The following ZNF235 variants were observed in gnomAD, a reference collection of about 807,000 sequenced individuals.
The protein encoded by ZNF235 is zinc finger protein 235, also known as zfp-93.
A neutral mutation model predicts 29.4 loss-of-function variants in ZNF235; 25 were observed. That is an observed-to-expected ratio of 0.85 (90% CI 0.62 to 1.19). The LOEUF (loss-of-function observed/expected upper bound fraction) is 1.19, where lower values mean the gene tolerates loss of function less well. ZNF235 is among the 50% of genes most tolerant of loss of function. The pLI is 0.00. For synonymous variants in ZNF235, 300 were observed against 295.3 expected, an observed-to-expected ratio of 1.02 and a Z score of -0.16; for missense variants, 788 against 885.0, an observed-to-expected ratio of 0.89 and a Z score of 1.39.
Position 44,302,304 on chromosome 19 carries a change from T to C in ZNF235, c.15+1086A>G, listed in dbSNP as rs1010810063. On this transcript the variant is annotated intron_variant, in intron 2 of 4. Coordinates refer to ENST00000291182, the MANE Select transcript of ZNF235 (RefSeq NM_004234.4). ...AAAATGGCAAAATTCATAGATTACA[T>C]AAACATGGAGAATGAGGAAAAATAA... 2.6e-5 allele frequency among the ~76,000 whole-genome samples: 4 copies of C among 152,084 alleles called. No individual in the cohort carries two copies. The East Asian group carries it at 5.8e-4, about 22-fold the overall frequency.
At chr19:44,301,594 A>C (rs1314649258) in intron 2 of ZNF235, among the ~76,000 whole-genome samples, 24 of 151,974 alleles carry the variant, frequency 1.6e-4, no homozygotes, top group Non-Finnish European at 2.9e-5. Context: ...CCTCATCTAC[A>C]TGAGTAGCTG....
intron 4 of ZNF235, 26 bp from the exon 5 acceptor site, chr19:44,289,222 T>G: frequency 2.5e-6 from 4 of 1,578,338 alleles, no homozygotes; most frequent in Non-Finnish European, 3.4e-6. Context: ...GAATAAGGAA[T>G]AAAGGACCAA....
intron 4 of ZNF235, among the ~76,000 whole-genome samples, chr19:44,293,891 C>G (rs541920469): frequency 6.6e-6 from 1 of 150,856 alleles, no homozygotes; most frequent in Non-Finnish European, 1.5e-5. Context: ...ATACCAAAAC[C>G]TCTGGGATAA....
intron 4 of ZNF235, among the ~76,000 whole-genome samples, chr19:44,294,508 A>G (rs553874756): frequency 6.6e-6 from 1 of 152,290 alleles, no homozygotes; most frequent in African/African-American, 2.4e-5. Flanking sequence ...ACTGGTACCA[A>G]TTCTACTAAA....
At chr19:44,304,904 T>C (rs1975809074) in intron 1 of ZNF235, 67 bp downstream of exon 1, 1 of 985,404 alleles carries the variant, frequency 1.0e-6, no homozygotes, top group South Asian at 4.7e-5. Context: ...AAGGACGGGT[T>C]CATTGCTGGC....
intron 4 of ZNF235, among the ~76,000 whole-genome samples, chr19:44,293,835 G>A (rs1599888895): frequency 6.6e-6 from 1 of 150,866 alleles, no homozygotes; most frequent in Non-Finnish European, 1.5e-5. Flanking sequence ...TTAATGACAA[G>A]ACAAATTTTA....
At chr19:44,296,802 TCTG>T (rs1051401241) in intron 4 of ZNF235, among the ~76,000 whole-genome samples, 1 of 152,114 alleles carries the variant, frequency 6.6e-6, no homozygotes, top group Non-Finnish European at 1.5e-5. Context: ...ACAAAGTATC[TCTG>T]CTGATCAAAA....
intron 2 of ZNF235, among the ~76,000 whole-genome samples, chr19:44,301,286 C>A (rs1975733177): frequency 6.6e-6 from 1 of 152,104 alleles, no homozygotes; most frequent in South Asian, 2.1e-4. Flanking sequence ...CACATCCCTG[C>A]ATTTGTTTTG....
intron 4 of ZNF235, among the ~76,000 whole-genome samples, chr19:44,298,150 T>G (rs1367883099): frequency 1.3e-5 from 2 of 151,886 alleles, no homozygotes; most frequent in African/African-American, 4.8e-5. Flanking sequence ...GACAAAGGTT[T>G]AAGAAAAAAC....
At chr19:44,292,872 C>T (rs113564137) in intron 4 of ZNF235, among the ~76,000 whole-genome samples, 231 of 152,072 alleles carry the variant, frequency 1.5e-3, no homozygotes, top group African/African-American at 5.3e-3. Flanking sequence ...AAAGGAAGCT[C>T]CATCACACAA....
intron 1 of ZNF235, among the ~76,000 whole-genome samples, chr19:44,303,707 C>A (rs1975788997): frequency 6.6e-6 from 1 of 152,160 alleles, no homozygotes; most frequent in Non-Finnish European, 1.5e-5. Context: ...ACTTTAGTTT[C>A]CAAGGAAATG....
At chr19:44,295,110 A>T (rs571284582) in intron 4 of ZNF235, among the ~76,000 whole-genome samples, 2 of 152,304 alleles carry the variant, frequency 1.3e-5, no homozygotes, top group South Asian at 4.1e-4. Context: ...AGAAAGACAG[A>T]AAACCAATCT....
intron 4 of ZNF235, among the ~76,000 whole-genome samples, chr19:44,298,303 C>T (rs993199114): frequency 2.0e-5 from 3 of 152,118 alleles, no homozygotes; most frequent in Admixed American, 6.6e-5. Flanking sequence ...TACAGCCTTA[C>T]AAGCTCCTTA....
chr19:44,290,257 C>A, intron 4 of ZNF235: 1 of 153,038 alleles, frequency 6.5e-6, no homozygotes, highest in Non-Finnish European at 1.5e-5. Flanking sequence ...CAAAGACTAC[C>A]AGAACTTTCC....
Position 44,301,471 on chromosome 19 carries a change from C to CTT in ZNF235, c.16-1741_16-1740dup, listed in dbSNP as rs199636863. 1.6e-4 allele frequency among the ~76,000 whole-genome samples: 23 copies of CTT among 147,248 alleles called. 1 individual carries two copies. Among genetic ancestry groups the CTT allele is most frequent in the African/African-American group, 4.0e-4 (16 of 40,212 alleles). Reference sequence around the variant, plus strand: ...ATAGCCTCAAGTCCCTGAATAGTCTCTTTTTTTTTTTTCTTTTTTGAGACA... The same window carrying CTT: ...ATAGCCTCAAGTCCCTGAATAGTCTCTTTTTTTTTTTTTTCTTTTTTGAGACA... On this transcript the variant is annotated intron_variant, in intron 2 of 4. Coordinates refer to ENST00000291182, the MANE Select transcript of ZNF235 (RefSeq NM_004234.4).
At position 44,288,243 on chromosome 19, in the gene ZNF235, T is replaced by A. The variant is rs1975524176; in HGVS notation, c.1192A>T (p.Thr398Ser). ...TCACATTTATAAGGTTTCTCTCCAG[T>A]GTGAACTCTGCAATGAATGTTAAGA... ...TDLNIHCRVH[T>S]GEKPYKCEVC... The change falls in exon 5 of 5, where the codon ACT becomes TCT. Residue 398 changes from threonine to serine, a missense_variant. Physicochemically the swap from Thr to Ser is moderately conservative, Grantham distance 58. Transcript: ENST00000291182. 1.2e-6 allele frequency: 2 copies of A among 1,614,184 alleles called. No individual in the cohort carries two copies. The highest frequency in any genetic ancestry group is 1.7e-6 in the Non-Finnish European group (2 of 1,180,034).
intron 4 of ZNF235, among the ~76,000 whole-genome samples, chr19:44,296,817 G>A (rs866246629): frequency 1.3e-5 from 2 of 152,174 alleles, no homozygotes; most frequent in Middle Eastern, 6.8e-3. Flanking sequence ...TGATCAAAAT[G>A]AAATGAAACT....
chr19:44,299,181 T>C (rs1044875248), intron 3 of ZNF235, among the ~76,000 whole-genome samples: 20 of 152,224 alleles, frequency 1.3e-4, no homozygotes, highest in Admixed American at 8.5e-4. Flanking sequence ...ATTGCCACAA[T>C]GTGCACCATT....
Position 44,305,020 on chromosome 19 carries a change from G to A in ZNF235, c.-98C>T, listed in dbSNP as rs757818123. The A allele has an allele frequency of 6.0e-5, 49 of 821,516 alleles. No individual in the cohort carries two copies. The highest frequency in any genetic ancestry group is 6.8e-5 in the Non-Finnish European group (46 of 680,374). 50.9% of individuals were successfully genotyped at this position (821,516 alleles called of 1,614,324 possible). A position where few individuals can be genotyped will look rare whatever the true frequency, so the allele number is the denominator to read the frequency against. ...GACCTCGCCTTCCTGGAGCGGAAGT[G>A]CCTCCGAGTGCCCACGGTTCGTGGA... is the stretch of plus-strand genomic sequence containing the variant. On this transcript the variant is annotated 5_prime_UTR_variant, in exon 1 of 5. Transcript: ENST00000291182.
Sources: gnomAD v4.1 joint callset for allele counts (sites outside exome capture counted in the v4.1 genomes callset) on GRCh38, gnomAD v4.1.1 for gene constraint, MANE v1.5 for transcripts, NCBI Gene and HGNC (gene_info 2026-07-23, HGNC 2026-07-21) for gene names.